The following FRMPD1 variants were observed in gnomAD, a reference collection of about 807,000 sequenced individuals.
FRMPD1 encodes FERM and PDZ domain containing 1.
FRMPD1 carries 76 observed loss-of-function variants against 117.8 expected under a neutral mutation model. The observed-to-expected ratio is 0.65, with a 90% CI of 0.54 to 0.78. The LOEUF is 0.78. FRMPD1 is among the 30% of genes least tolerant of loss of function. The probability of loss-of-function intolerance (pLI) is 0.00; values close to 1 mark genes in which losing one functional copy is unlikely to be tolerated. For synonymous variants in FRMPD1, 783 were observed against 770.4 expected, an observed-to-expected ratio of 1.02 and a Z score of -0.27; for missense variants, 1,786 against 1,964.5, an observed-to-expected ratio of 0.91 and a Z score of 1.72.
chr9:37,716,799 A>G (rs1199774208), intron 5 of FRMPD1, among the ~76,000 whole-genome samples: 1 of 152,074 alleles, frequency 6.6e-6, no homozygotes, highest in Non-Finnish European at 1.5e-5. Flanking sequence ...CCTTTGACCC[A>G]TAGCTATCTC....
intron 1 of FRMPD1, among the ~76,000 whole-genome samples, chr9:37,692,031 C>T: frequency 6.6e-6 from 1 of 152,210 alleles, no homozygotes; most frequent in South Asian, 2.1e-4. Context: ...ACAGACTTTT[C>T]ACTGTCTACA....
intron 15 of FRMPD1, 24 bp from the exon 16 acceptor site, chr9:37,744,365 T>C (rs749709101): frequency 1.4e-5 from 22 of 1,521,582 alleles, no homozygotes; most frequent in Middle Eastern, 1.8e-4. Context: ...CTTTTTAATG[T>C]ATTTTTTCTT....
Position 37,746,397 on chromosome 9 carries a change from T to C in FRMPD1, c.4365T>C (p.Phe1455=), listed in dbSNP as rs544253940. Residue 1455 remains phenylalanine, a synonymous_variant, in exon 16 of 16, where the codon TTT becomes TTC. Transcript: ENST00000377765. ...KHPPEKCTWH[F]TESRSRLCMG... is the part of the protein sequence containing the mutation. ...CCCCAGAGAAGTGCACCTGGCACTT[T>C]ACCGAAAGCCGGAGCCGCCTCTGCA... The C allele has an allele frequency of 4.3e-6, 7 of 1,613,102 alleles. No homozygotes were observed. In the African/African-American group the frequency reaches 5.3e-5, roughly 12 times the overall value.
chr9:37,641,898 A>G, the FRMPD1 span, among the ~76,000 whole-genome samples: 1 of 152,224 alleles, frequency 6.6e-6, no homozygotes, highest in Non-Finnish European at 1.5e-5. Context: ...ATTTGAGTTG[A>G]ATATAGAATC....
the FRMPD1 span, among the ~76,000 whole-genome samples, chr9:37,643,330 C>T: frequency 2.0e-5 from 3 of 152,014 alleles, no homozygotes; most frequent in African/African-American, 7.3e-5. Flanking sequence ...CTATTATTTG[C>T]ATATCTTCTA....
At chr9:37,678,453 G>T (rs1157770195) in intron 1 of FRMPD1, among the ~76,000 whole-genome samples, 1 of 151,762 alleles carries the variant, frequency 6.6e-6, no homozygotes, top group Non-Finnish European at 1.5e-5. Context: ...TAGAGATGGG[G>T]TTTCACCCTG....
chr9:37,715,784 G>A (rs1823091981), intron 5 of FRMPD1: 1 of 427,828 alleles, frequency 2.3e-6, no homozygotes, highest in Admixed American at 2.6e-5. Flanking sequence ...GGGCCTGTGT[G>A]TTGGGCATTT....
intron 1 of FRMPD1, among the ~76,000 whole-genome samples, chr9:37,658,142 C>G (rs1215771745): frequency 6.6e-6 from 1 of 152,092 alleles, no homozygotes. Context: ...TTATCTGGCC[C>G]CCTGAAAAGC....
At chr9:37,629,294 C>G in the FRMPD1 span, among the ~76,000 whole-genome samples, 2 of 152,194 alleles carry the variant, frequency 1.3e-5, no homozygotes, top group Admixed American at 1.3e-4. Context: ...GATGCACATT[C>G]GAGTTTGAGA....
At chr9:37,742,015 A>G (rs1328406089) in intron 15 of FRMPD1, among the ~76,000 whole-genome samples, 2 of 152,190 alleles carry the variant, frequency 1.3e-5, no homozygotes, top group Non-Finnish European at 2.9e-5. Flanking sequence ...TGTAAATTAC[A>G]TATTTACTTG....
intron 1 of FRMPD1, among the ~76,000 whole-genome samples, chr9:37,679,744 A>G (rs926456843): frequency 2.6e-5 from 4 of 152,238 alleles, no homozygotes; most frequent in African/African-American, 9.6e-5. Flanking sequence ...CTTGGGTCAC[A>G]TGTCCAGTTG....
Position 37,707,446 on chromosome 9 carries a change from C to CA in FRMPD1, c.133dup (p.Arg45LysfsTer31). On this transcript the variant is annotated frameshift_variant, in exon 3 of 16. Coordinates refer to ENST00000377765, the MANE Select transcript of FRMPD1 (RefSeq NM_014907.3). LOFTEE classifies it high-confidence loss of function. ...AAGTTGCTGCAGCTGATGGGCCCGC[C>CA]AGGAACCCAACTCAGACCCTCATCC... The CA allele has an allele frequency of 3.1e-6, 5 of 1,614,020 alleles. No homozygotes were observed. Among genetic ancestry groups the CA allele is most frequent in the Non-Finnish European group, 4.2e-6 (5 of 1,179,950 alleles).
At chr9:37,656,735 G>T (rs754301163) in intron 1 of FRMPD1, among the ~76,000 whole-genome samples, 5 of 151,946 alleles carry the variant, frequency 3.3e-5, no homozygotes, top group Admixed American at 6.6e-5. Flanking sequence ...AGGACAGTGG[G>T]AAGCCGGACT....
In FRMPD1 at chr9:37,745,704, G is replaced by A; in HGVS notation, c.3672G>A (p.Glu1224=). ...KQTVSPAVPP[E]GIKAEAPNHV... The stretch of plus-strand genomic sequence containing the variant: ...CAGTTTCACCAGCCGTCCCTCCAGA[G>A]GGGATCAAGGCAGAGGCACCTAACC... The change falls in exon 16 of 16, where the codon GAG becomes GAA. Residue 1224 remains glutamate (E), a synonymous_variant. Transcript: ENST00000377765. 6.2e-7 allele frequency: 1 copy of A among 1,614,166 alleles called. No individual in the cohort carries two copies. The highest frequency in any genetic ancestry group is 8.5e-7 in the Non-Finnish European group (1 of 1,180,026).
chr9:37,638,660 A>C, the FRMPD1 span, among the ~76,000 whole-genome samples: 48 of 152,108 alleles, frequency 3.2e-4, no homozygotes, highest in Admixed American at 1.2e-3. Context: ...TAAATCCTTT[A>C]CTCTTCAAAG....
rs1160910434 is a variant in FRMPD1 at position 37,744,773 on chromosome 9, CA to C, written c.2744del (p.Asn915ThrfsTer92). On this transcript the variant is annotated frameshift_variant, in exon 16 of 16. Transcript: ENST00000377765. LOFTEE classifies it low-confidence loss of function (END_TRUNC). ...GCTCCTCTGAGGGAGACCAAGAGCA[CA>C]AACCCAGCCTCCAGGGTCATGGAGA... ...LLAPLRETKS[T>X]NPASRVMEME... The C allele has an allele frequency of 2.3e-5, 37 of 1,614,022 alleles. No homozygotes were observed. Among genetic ancestry groups the C allele is most frequent in the Non-Finnish European group, 3.1e-5 (36 of 1,180,022 alleles).
Position 37,746,080 on chromosome 9 carries a change from G to C in FRMPD1, c.4048G>C (p.Glu1350Gln), listed in dbSNP as rs1824695650. The change falls in exon 16 of 16, where the codon GAG becomes CAG. Residue 1350 changes from glutamate to glutamine, a missense_variant. Transcript: ENST00000377765. ...YATCFRGPQP[E>Q]TEEEDRDLEA... ...CACATGCTTCCGTGGCCCGCAGCCT[G>C]AGACAGAGGAAGAAGACAGGGACTT... The C allele has an allele frequency of 1.2e-6, 2 of 1,614,112 alleles. No homozygotes were observed. The highest frequency in any genetic ancestry group is 1.7e-5 in the Admixed American group (1 of 60,010).
chr9:37,712,437 C>T (rs1822944209), intron 5 of FRMPD1, among the ~76,000 whole-genome samples: 2 of 152,208 alleles, frequency 1.3e-5, no homozygotes, highest in Non-Finnish European at 2.9e-5. Context: ...TTCACTGCAA[C>T]CGCCACCTCC....
intron 14 of FRMPD1, among the ~76,000 whole-genome samples, chr9:37,739,176 G>T (rs1168764171): frequency 1.3e-5 from 2 of 152,178 alleles, no homozygotes; most frequent in African/African-American, 4.8e-5. Context: ...GCCATCCTGG[G>T]AGAGGGGGAA....
Sources: allele counts gnomAD v4.1 joint callset (sites outside exome capture counted in the v4.1 genomes callset), GRCh38; gene constraint gnomAD v4.1.1; transcripts MANE v1.5; gene names NCBI Gene and HGNC (gene_info 2026-07-23, HGNC 2026-07-21).